The following SUSD3 variants were observed in gnomAD, a reference collection of about 807,000 sequenced individuals.
SUSD3 encodes sushi domain containing 3.
In SUSD3, 18 loss-of-function variants were observed where a neutral mutation model predicts 20.6. That is an observed-to-expected ratio of 0.87 (90% CI 0.60 to 1.30). The LOEUF is 1.30. SUSD3 is among the 50% of genes most tolerant of loss of function. The pLI, the probability that SUSD3 is intolerant of heterozygous loss-of-function variation, is 0.00. For synonymous variants in SUSD3, 137 were observed against 141.5 expected, an observed-to-expected ratio of 0.97 and a Z score of 0.23; for missense variants, 306 against 346.9, an observed-to-expected ratio of 0.88 and a Z score of 0.94.
chr9:93,084,930 T>C lies in SUSD3; in HGVS notation c.*183T>C, dbSNP rs906388203. On this transcript the variant is annotated 3_prime_UTR_variant, in exon 5 of 5. Transcript: ENST00000375472. Reference sequence around the variant, plus strand: ...TGACATCCAAGGCTGAGGACCCCAGTGGGGAGTGTTCTGTTCCGGCATATC... The same window carrying C: ...TGACATCCAAGGCTGAGGACCCCAGCGGGGAGTGTTCTGTTCCGGCATATC... The C allele has an allele frequency of 1.3e-4, 68 of 522,494 alleles. No homozygotes were observed. Among genetic ancestry groups the C allele is most frequent in the Admixed American group, 2.1e-4 (5 of 23,410 alleles). The allele number at this position is 522,494 out of a possible 1,614,324, so 32.4% of individuals were successfully genotyped here. A position where few individuals can be genotyped will look rare whatever the true frequency, so the allele number is the denominator to read the frequency against.
intron 1 of SUSD3, among the ~76,000 whole-genome samples, chr9:93,064,076 T>A (rs1019855127): frequency 1.3e-5 from 2 of 151,748 alleles, no homozygotes; most frequent in African/African-American, 4.8e-5. Context: ...TGAGACAGAG[T>A]CTCACTTTGT....
chr9:93,075,736 G>GACCCCCCC, intron 1 of SUSD3, 48 bp from the exon 2 acceptor site: 3 of 272,216 alleles, frequency 1.1e-5, no homozygotes, highest in South Asian at 5.8e-5. Flanking sequence ...TGCCCTGCGT[G>GACCCCCCC]CCCACCCCCC....
Position 93,084,579 on chromosome 9 carries a change from C to T in SUSD3, c.600C>T (p.Arg200=), listed in dbSNP as rs1289746817. 47 of 1,603,204 alleles carry T rather than the reference C, an allele frequency of 2.9e-5. No homozygotes were observed. The highest frequency in any genetic ancestry group is 3.9e-5 in the Non-Finnish European group (46 of 1,174,872). Residue 200 remains arginine (R), a synonymous_variant, in exon 5 of 5, where the codon CGC becomes CGT. Coordinates refer to ENST00000375472, the MANE Select transcript of SUSD3 (RefSeq NM_145006.4). ...ESTSKLASVT[R]SVDKDPGIPR... is the part of the protein sequence containing the mutation. ...CCAGCAAGCTGGCCAGTGTGACCCG[C>T]AGCGTGGACAAGGACCCTGGGATCC...
At chr9:93,063,541 G>A (rs977332826) in intron 1 of SUSD3, among the ~76,000 whole-genome samples, 10 of 152,170 alleles carry the variant, frequency 6.6e-5, no homozygotes, top group East Asian at 3.9e-4. Flanking sequence ...GGGCATTGCC[G>A]GTCAGTGGCT....
intron 3 of SUSD3, 131 bp downstream of exon 3, chr9:93,078,124 C>G: frequency 2.3e-6 from 3 of 1,277,530 alleles, no homozygotes; most frequent in Non-Finnish European, 3.3e-6. Flanking sequence ...CACTGCTGCT[C>G]TGGGCCTGCG....
intron 2 of SUSD3, 87 bp downstream of exon 2, chr9:93,076,059 G>A (rs1049921881): frequency 1.2e-5 from 14 of 1,210,098 alleles, no homozygotes; most frequent in East Asian, 7.4e-5. Context: ...TGGGGATGGC[G>A]TGGGTGTCTA....
At chr9:93,071,076 G>A (rs1825890121) in intron 1 of SUSD3, among the ~76,000 whole-genome samples, 1 of 152,174 alleles carries the variant, frequency 6.6e-6, no homozygotes, top group South Asian at 2.1e-4. Context: ...GTTTATTGCT[G>A]TCTCTTCTTA....
intron 1 of SUSD3, among the ~76,000 whole-genome samples, chr9:93,073,097 C>T (rs1356484943): frequency 6.6e-6 from 1 of 152,070 alleles, no homozygotes; most frequent in South Asian, 2.1e-4. Context: ...TTTGTCCCTG[C>T]CATCACCCCC....
chr9:93,084,033 G>A (rs1310101564), intron 4 of SUSD3, among the ~76,000 whole-genome samples: 1 of 152,090 alleles, frequency 6.6e-6, no homozygotes, highest in African/African-American at 2.4e-5. Context: ...GAATGGCTTG[G>A]TTTGTATCTG....
chr9:93,079,647 C>A, intron 4 of SUSD3, 45 bp downstream of exon 4: 1 of 1,604,584 alleles, frequency 6.2e-7, no homozygotes, highest in Non-Finnish European at 8.5e-7. Context: ...GACAAGGGGT[C>A]CAGCTTGGTC....
At chr9:93,071,187 A>C (rs1372651018) in intron 1 of SUSD3, among the ~76,000 whole-genome samples, 1 of 152,228 alleles carries the variant, frequency 6.6e-6, no homozygotes, top group Non-Finnish European at 1.5e-5. Flanking sequence ...ATAGATGTAT[A>C]TATAAAGGGG....
chr9:93,066,703 T>G (rs1297269747), intron 1 of SUSD3, among the ~76,000 whole-genome samples: 2 of 117,860 alleles, frequency 1.7e-5, no homozygotes, highest in African/African-American at 1.6e-4. Flanking sequence ...CTCCAGTCAA[T>G]TTTATTTTAT....
intron 4 of SUSD3, among the ~76,000 whole-genome samples, chr9:93,081,349 G>A (rs1272157061): frequency 6.6e-6 from 1 of 152,150 alleles, no homozygotes; most frequent in African/African-American, 2.4e-5. Context: ...CCCTCCTGCT[G>A]GAGTCTTTCG....
intron 1 of SUSD3, among the ~76,000 whole-genome samples, chr9:93,062,733 C>T (rs566496733): frequency 1.2e-4 from 18 of 152,144 alleles, no homozygotes; most frequent in East Asian, 5.8e-4. Flanking sequence ...CCTGGGAGTC[C>T]GGGAGTCTCT....
intron 4 of SUSD3, among the ~76,000 whole-genome samples, chr9:93,080,144 T>C (rs1826348854): frequency 6.6e-6 from 1 of 151,542 alleles, no homozygotes; most frequent in South Asian, 2.1e-4. Flanking sequence ...CATGGTGAAA[T>C]CCCGTCTCTA....
chr9:93,073,984 T>C lies in SUSD3; in HGVS notation c.89-1800T>C, dbSNP rs77881101. On this transcript the variant is annotated intron_variant, in intron 1 of 4. Transcript: ENST00000375472. ...TTTGCTCATCTGTCGATGGGGATAA[T>C]GATGGTTCTCCCTGGGTAGGCTGCT... is the stretch of plus-strand genomic sequence containing the variant. Among the ~76,000 whole-genome samples, 12 of 152,282 alleles carry C rather than the reference T, an allele frequency of 7.9e-5. No homozygotes were observed. In the East Asian group the frequency reaches 2.1e-3, roughly 27 times the overall value.
intron 1 of SUSD3, among the ~76,000 whole-genome samples, chr9:93,061,957 T>C (rs564731288): frequency 6.6e-6 from 1 of 151,942 alleles, no homozygotes; most frequent in Non-Finnish European, 1.5e-5. Flanking sequence ...GCAGGCGAGG[T>C]CAGGTTATAG....
chr9:93,061,956 G>T (rs1825522764), intron 1 of SUSD3, among the ~76,000 whole-genome samples: 1 of 152,250 alleles, frequency 6.6e-6, no homozygotes, highest in South Asian at 2.1e-4. Context: ...AGCAGGCGAG[G>T]TCAGGTTATA....
chr9:93,059,394 C>T (rs1206536855), intron 1 of SUSD3, among the ~76,000 whole-genome samples: 1 of 152,180 alleles, frequency 6.6e-6, no homozygotes, highest in Non-Finnish European at 1.5e-5. Flanking sequence ...GGAGGAGGCT[C>T]AGAGGCCTTT....
Sources: allele counts gnomAD v4.1 joint callset (sites outside exome capture counted in the v4.1 genomes callset), GRCh38; gene constraint gnomAD v4.1.1; transcripts MANE v1.5; gene names NCBI Gene and HGNC (gene_info 2026-07-23, HGNC 2026-07-21).